The following CD180 variants were observed in gnomAD, a reference collection of about 807,000 sequenced individuals.
The protein encoded by CD180 is CD180 molecule.
In CD180, 11 loss-of-function variants were observed where a neutral mutation model predicts 10.7. The observed-to-expected ratio is 1.03, with a 90% CI of 0.65 to 1.70. The LOEUF (loss-of-function observed/expected upper bound fraction) is 1.70. Ranked by LOEUF, CD180 falls within the 40% of genes most tolerant of loss-of-function variation. CD180 has a pLI of 0.00. For missense variants in CD180, 729 were observed against 775.2 expected, an observed-to-expected ratio of 0.94 and a Z score of 0.71; for synonymous variants, 286 against 294.6, an observed-to-expected ratio of 0.97 and a Z score of 0.30.
chr5:67,183,819 C>T lies in CD180; in HGVS notation c.1024G>A (p.Ala342Thr). The change falls in exon 3 of 3, where the codon GCC (alanine) becomes ACC (threonine). Residue 342 changes from alanine to threonine, a missense_variant. Physicochemically the swap from Ala to Thr is moderately conservative, Grantham distance 58. Coordinates refer to ENST00000256447, the MANE Select transcript of CD180 (RefSeq NM_005582.3). ...HFDQLCQISAANFPSLTHLYI... is the reference protein window; with the variant it reads ...HFDQLCQISATNFPSLTHLYI... ...AGGTGTGTAAGGGAGGGGAAATTGGCAGCACTGATTTGACACAATTGATCG... is the reference window on the plus strand; with the variant it reads ...AGGTGTGTAAGGGAGGGGAAATTGGTAGCACTGATTTGACACAATTGATCG... 1 of 1,614,190 alleles carries T rather than the reference C, an allele frequency of 6.2e-7. No individual in the cohort carries two copies.
intron 1 of CD180, among the ~76,000 whole-genome samples, chr5:67,188,570 G>A (rs545400994): frequency 7.2e-5 from 11 of 152,118 alleles, no homozygotes; most frequent in African/African-American, 1.4e-4. Flanking sequence ...ACTCTGTTAC[G>A]GACTCCAGAT....
chr5:67,186,329 A>G (rs1293466624), intron 1 of CD180: 1 of 177,042 alleles, frequency 5.6e-6, no homozygotes, highest in Admixed American at 6.1e-5. Context: ...ATATGGAGTG[A>G]TATCTGGGAT....
At position 67,181,716 on chromosome 5, in the gene CD180, TGTGA is replaced by T. The variant is rs1310823499; in HGVS notation, c.*1137_*1140del. On this transcript the variant is annotated 3_prime_UTR_variant, in exon 3 of 3. Coordinates refer to ENST00000256447, the MANE Select transcript of CD180 (RefSeq NM_005582.3). ...CAAGACTTCAGAAGATACAGGCCTG[TGTGA>T]GTATGGCCCTTTAAGCCTAAGTCAT... 1.3e-5 allele frequency: 2 copies of T among 152,256 alleles called. No homozygotes were observed. The highest frequency in any genetic ancestry group is 6.5e-5 in the Admixed American group (1 of 15,280). The allele number at this position is 152,256 out of a possible 1,614,324, so 9.4% of individuals were successfully genotyped here.
chr5:67,196,343 T>G (rs1466060256), intron 1 of CD180, among the ~76,000 whole-genome samples: 1 of 152,192 alleles, frequency 6.6e-6, no homozygotes, highest in Non-Finnish European at 1.5e-5. Flanking sequence ...AGAAAAATTC[T>G]CTTTGCTTCC....
chr5:67,189,829 C>T (rs1236026697), intron 1 of CD180, among the ~76,000 whole-genome samples: 2 of 152,106 alleles, frequency 1.3e-5, no homozygotes, highest in African/African-American at 4.8e-5. Flanking sequence ...ACACTACTGA[C>T]ATCATGACCC....
At chr5:67,192,828 G>A (rs932423276) in intron 1 of CD180, among the ~76,000 whole-genome samples, 1 of 152,156 alleles carries the variant, frequency 6.6e-6, no homozygotes, top group South Asian at 2.1e-4. Context: ...ATACAGCCGA[G>A]CAGCCACTTG....
rs1742038218 is a variant in CD180 at position 67,181,022 on chromosome 5, TACACACACACATACACACACATACAC to T, written c.*1809_*1834del. 2 of 149,262 alleles carry T rather than the reference TACACACACACATACACACACATACAC, an allele frequency of 1.3e-5. No homozygotes were observed. Among genetic ancestry groups the T allele is most frequent in the Non-Finnish European group, 3.0e-5 (2 of 67,616 alleles). The allele number at this position is 149,262 out of a possible 1,614,324, so 9.2% of individuals were successfully genotyped here. ...TCAAAAAAAAAATTATATATATATATACACACACACATACACACACATACACACACACACACATATGGAGAGAGAGA... is the reference window on the plus strand; with the variant it reads ...TCAAAAAAAAAATTATATATATATATACACACACACATATGGAGAGAGAGA... On this transcript the variant is annotated 3_prime_UTR_variant, in exon 3 of 3. Transcript: ENST00000256447.
At position 67,192,395 on chromosome 5, in the gene CD180, AAAAG is replaced by A. The variant is rs536856967; in HGVS notation, c.90+4153_90+4156del. 1.3e-4 allele frequency among the ~76,000 whole-genome samples: 20 copies of A among 152,244 alleles called. No homozygotes were observed. In the South Asian group the frequency reaches 1.7e-3, roughly 13 times the overall value. On this transcript the variant is annotated intron_variant, in intron 1 of 2. Transcript: ENST00000256447. ...GAGTGAGACTCCGTCTCAAAAGAAA[AAAAG>A]AAAGAAAGAAAGAAAAAAGAAACAG...
rs111590298 is a variant in CD180 at position 67,183,378 on chromosome 5, T to C, written c.1465A>G (p.Thr489Ala). Residue 489 changes from threonine to alanine, a missense_variant, in exon 3 of 3, where the codon ACC becomes GCC. Physicochemically the swap from Thr to Ala is moderately conservative, Grantham distance 58. Transcript: ENST00000256447. ...NHFQDGTITK[T>A]NLLQTVGSLE... ...CTGCCCACGGTCTGAAGTAGGTTGG[T>C]CTTCGTGATAGTCCCATCTTGAAAG... 1.3e-4 allele frequency: 202 copies of C among 1,614,174 alleles called. 6 individuals carry two copies. The African/African-American group carries it at 2.1e-3, about 17-fold the overall frequency.
At chr5:67,190,956 G>A (rs1002758252) in intron 1 of CD180, 3 of 985,150 alleles carry the variant, frequency 3.0e-6, no homozygotes, top group Non-Finnish European at 3.6e-6. Flanking sequence ...TCTCATCTGC[G>A]CTTGACACAC....
At chr5:67,189,953 A>T (rs1742270219) in intron 1 of CD180, among the ~76,000 whole-genome samples, 1 of 152,194 alleles carries the variant, frequency 6.6e-6, no homozygotes, top group Non-Finnish European at 1.5e-5. Flanking sequence ...TATCCAACAT[A>T]CTGTCTATAT....
At position 67,184,381 on chromosome 5, in the gene CD180, C is replaced by G. The variant is rs886697074; in HGVS notation, c.462G>C (p.Leu154Phe). 1 of 1,613,770 alleles carries G rather than the reference C, an allele frequency of 6.2e-7. No homozygotes were observed. Among genetic ancestry groups the G allele is most frequent in the Non-Finnish European group, 8.5e-7 (1 of 1,179,660 alleles). ...AGGAAATATGGTTGCTTCCAAGATA[C>G]AAGCTTTCCAAGTTTTCCAGATTGT... Reference protein sequence around the residue: ...PVHNLENLESLYLGSNHISSI... With the variant: ...PVHNLENLESFYLGSNHISSI... The change falls in exon 3 of 3, where the codon TTG (leucine) becomes TTC (phenylalanine). Residue 154 changes from leucine to phenylalanine, a missense_variant. Leu to Phe is a conservative substitution (Grantham distance 22). Transcript: ENST00000256447.
At position 67,194,442 on chromosome 5, in the gene CD180, C is replaced by T. The variant is rs574033246; in HGVS notation, c.90+2110G>A. On this transcript the variant is annotated intron_variant, in intron 1 of 2. Coordinates refer to ENST00000256447, the MANE Select transcript of CD180 (RefSeq NM_005582.3). ...CAGACTCCTGACTCACCCCATCCTG[C>T]GGCCTCACCCAGAGGTGGACTCAGA... Among the ~76,000 whole-genome samples the T allele has an allele frequency of 3.9e-5, 6 of 152,246 alleles. 1 individual carries two copies. The South Asian group carries it at 8.3e-4, about 21-fold the overall frequency.
At position 67,182,839 on chromosome 5, in the gene CD180, C is replaced by G; in HGVS notation, c.*18G>C. The G allele has an allele frequency of 6.4e-7, 1 of 1,564,492 alleles. No homozygotes were observed. Among genetic ancestry groups the G allele is most frequent in the Non-Finnish European group, 8.6e-7 (1 of 1,156,356 alleles). On this transcript the variant is annotated 3_prime_UTR_variant, in exon 3 of 3. Transcript: ENST00000256447. ...TTTGCTAAGCACACTTATTTGCTTT[C>G]TCTGGAAACCTTCAGCACTAAATGT...
At chr5:67,186,067 ACTAT>A in intron 1 of CD180, 50 bp from the exon 2 acceptor site, 1 of 1,181,066 alleles carries the variant, frequency 8.5e-7, no homozygotes, top group South Asian at 1.9e-5. Context: ...AATTTTATAG[ACTAT>A]CTAGCAAAAT....
chr5:67,191,897 T>G (rs548419927), intron 1 of CD180, among the ~76,000 whole-genome samples: 1 of 152,172 alleles, frequency 6.6e-6, no homozygotes, highest in Non-Finnish European at 1.5e-5. Flanking sequence ...TAATCTTGAC[T>G]CCTACTTGTA....
At chr5:67,196,486 C>T in intron 1 of CD180, 66 bp downstream of exon 1, 1 of 1,501,816 alleles carries the variant, frequency 6.7e-7, no homozygotes, top group Admixed American at 1.7e-5. Flanking sequence ...TCAGATTGGA[C>T]TGCGTGCTAA....
intron 1 of CD180, among the ~76,000 whole-genome samples, chr5:67,187,341 A>AG (rs1742217250): frequency 6.6e-6 from 1 of 152,220 alleles, no homozygotes; most frequent in Non-Finnish European, 1.5e-5. Context: ...GCTTAAAAAA[A>AG]CTAGCAGGGT....
intron 1 of CD180, among the ~76,000 whole-genome samples, chr5:67,190,032 C>T (rs1238331717): frequency 6.6e-6 from 1 of 152,170 alleles, no homozygotes; most frequent in Non-Finnish European, 1.5e-5. Context: ...CAGGATCACA[C>T]ATTGCATTTA....
Sources: gnomAD v4.1 joint callset for allele counts (sites outside exome capture counted in the v4.1 genomes callset) on GRCh38, gnomAD v4.1.1 for gene constraint, MANE v1.5 for transcripts, NCBI Gene and HGNC (gene_info 2026-07-23, HGNC 2026-07-21) for gene names.